The following CNTN5 variants were observed in gnomAD, a reference collection of about 807,000 sequenced individuals.
The protein encoded by CNTN5 is contactin 5, also known as contactin-5.
CNTN5 carries 77 observed loss-of-function variants against 129.1 expected under a neutral mutation model. The ratio of observed to expected loss-of-function variants is 0.60; its 90% confidence interval spans 0.50 to 0.72. The LOEUF (loss-of-function observed/expected upper bound fraction) is 0.72. Ranked by LOEUF, CNTN5 falls within the 30% of genes least tolerant of loss-of-function variation. The pLI is 0.00. For missense variants in CNTN5, 1,478 were observed against 1,328.8 expected, an observed-to-expected ratio of 1.11 and a Z score of -1.75; for synonymous variants, 509 against 465.6, an observed-to-expected ratio of 1.09 and a Z score of -1.20.
At chr11:99,330,948 GCACACACACACATTCAGA>G (rs1365972139) in intron 2 of CNTN5, among the ~76,000 whole-genome samples, 1 of 151,278 alleles carries the variant, frequency 6.6e-6, no homozygotes, top group African/African-American at 2.4e-5. Context: ...ACACACATGT[GCACACACACACATTCAGA>G]CACACACACA....
chr11:99,391,087 G>A (rs1236741588), intron 2 of CNTN5, among the ~76,000 whole-genome samples: 1 of 151,854 alleles, frequency 6.6e-6, no homozygotes, highest in Non-Finnish European at 1.5e-5. Flanking sequence ...ACTCCTAGAT[G>A]TTGTTTAAGT....
At chr11:99,925,986 T>C (rs1216333977) in intron 7 of CNTN5, among the ~76,000 whole-genome samples, 1 of 152,150 alleles carries the variant, frequency 6.6e-6, no homozygotes, top group African/African-American at 2.4e-5. Context: ...CATTTACCAT[T>C]GGTCTGTCTG....
intron 2 of CNTN5, among the ~76,000 whole-genome samples, chr11:99,549,881 A>G (rs1163281142): frequency 6.6e-6 from 1 of 152,150 alleles, no homozygotes; most frequent in Non-Finnish European, 1.5e-5. Flanking sequence ...TCCATTAATT[A>G]TACTTTTGAG....
chr11:99,287,608 G>A (rs927909151), intron 1 of CNTN5, among the ~76,000 whole-genome samples: 19 of 152,012 alleles, frequency 1.2e-4, no homozygotes, highest in Non-Finnish European at 2.4e-4. Flanking sequence ...ATTATAATAT[G>A]ATTCAGTTTC....
chr11:100,035,443 G>A (rs1210327914), intron 9 of CNTN5, among the ~76,000 whole-genome samples: 3 of 146,732 alleles, frequency 2.0e-5, no homozygotes, highest in Non-Finnish European at 3.0e-5. Context: ...GTGTGCATGT[G>A]TCTTTATAGC....
intron 3 of CNTN5, among the ~76,000 whole-genome samples, chr11:99,778,680 T>C (rs1945208488): frequency 6.6e-6 from 1 of 151,792 alleles, no homozygotes; most frequent in South Asian, 2.1e-4. Context: ...TACTTTATTA[T>C]GCATCCTAAG....
chr11:99,520,273 A>G (rs528808649), intron 2 of CNTN5, among the ~76,000 whole-genome samples: 2 of 152,258 alleles, frequency 1.3e-5, no homozygotes, highest in South Asian at 4.1e-4. Context: ...ACCTGGCTGT[A>G]AGAAATTAAT....
intron 9 of CNTN5, among the ~76,000 whole-genome samples, chr11:100,060,534 T>C (rs963200736): frequency 1.3e-5 from 2 of 152,140 alleles, no homozygotes; most frequent in East Asian, 3.9e-4. Flanking sequence ...AGTTTTAATT[T>C]ACTTAATTCC....
At chr11:100,196,778 A>G (rs549263834) in intron 15 of CNTN5, among the ~76,000 whole-genome samples, 2 of 152,120 alleles carry the variant, frequency 1.3e-5, no homozygotes, top group East Asian at 1.9e-4. Flanking sequence ...CAGTTAGTAC[A>G]TAAACATTTG....
chr11:99,564,753 C>G (rs750210608), intron 3 of CNTN5, among the ~76,000 whole-genome samples: 15 of 152,108 alleles, frequency 9.9e-5, no homozygotes, highest in Non-Finnish European at 1.9e-4. Context: ...CATACATCCC[C>G]CAAATGTGTG....
At chr11:99,515,610 A>T (rs958696519) in intron 2 of CNTN5, among the ~76,000 whole-genome samples, 2 of 152,062 alleles carry the variant, frequency 1.3e-5, no homozygotes, top group African/African-American at 2.4e-5. Context: ...AACATATTTT[A>T]AAAATGTAAA....
chr11:99,768,010 G>T (rs558548442), intron 3 of CNTN5, among the ~76,000 whole-genome samples: 1 of 152,080 alleles, frequency 6.6e-6, no homozygotes, highest in South Asian at 2.1e-4. Context: ...AGTTTTATTG[G>T]AACAAATCTA....
intron 3 of CNTN5, among the ~76,000 whole-genome samples, chr11:99,778,326 G>A (rs1161270076): frequency 1.3e-5 from 2 of 151,758 alleles, no homozygotes; most frequent in South Asian, 2.1e-4. Context: ...ATGATTAGGT[G>A]TAGGTCTATG....
intron 3 of CNTN5, among the ~76,000 whole-genome samples, chr11:99,757,598 T>C (rs904278704): frequency 1.3e-5 from 2 of 152,100 alleles, no homozygotes; most frequent in African/African-American, 4.8e-5. Flanking sequence ...TCGTTTTAAC[T>C]TGATTATATC....
intron 3 of CNTN5, among the ~76,000 whole-genome samples, chr11:99,579,986 C>A (rs1015645390): frequency 1.3e-5 from 2 of 150,520 alleles, no homozygotes; most frequent in African/African-American, 4.9e-5. Context: ...ATAGCTCTTA[C>A]TATTTTGAGA....
At chr11:100,158,009 T>C (rs937187332) in intron 13 of CNTN5, among the ~76,000 whole-genome samples, 4 of 150,922 alleles carry the variant, frequency 2.7e-5, no homozygotes, top group Admixed American at 6.6e-5. Flanking sequence ...AGCAGAAAAA[T>C]TTAAAAAGAG....
intron 15 of CNTN5, among the ~76,000 whole-genome samples, chr11:100,210,688 G>T (rs964185604): frequency 3.9e-5 from 6 of 152,124 alleles, no homozygotes; most frequent in African/African-American, 1.4e-4. Flanking sequence ...TGAACACAAT[G>T]CTAGAAAATT....
chr11:99,166,758 T>C (rs1267785301), intron 1 of CNTN5, among the ~76,000 whole-genome samples: 1 of 136,148 alleles, frequency 7.3e-6, no homozygotes, highest in Admixed American at 8.2e-5. Context: ...TTTTCCTTTT[T>C]CTTTTTTTTT....
At chr11:100,147,238 T>A (rs758469494) in intron 13 of CNTN5, among the ~76,000 whole-genome samples, 2 of 152,106 alleles carry the variant, frequency 1.3e-5, no homozygotes, top group Non-Finnish European at 2.9e-5. Context: ...TGCAGCTGGC[T>A]TATACTATTT....
Sources: gnomAD v4.1 joint callset for allele counts (sites outside exome capture counted in the v4.1 genomes callset) on GRCh38, gnomAD v4.1.1 for gene constraint, MANE v1.5 for transcripts, NCBI Gene and HGNC (gene_info 2026-07-23, HGNC 2026-07-21) for gene names.